NEDD4L: variants seen among roughly 807,000 people sequenced by gnomAD.
The protein encoded by NEDD4L is NEDD4 like E3 ubiquitin protein ligase.
Under a neutral mutation model 148.9 loss-of-function variants are expected in NEDD4L, and 54 were observed. The ratio of observed to expected loss-of-function variants is 0.36; its 90% CI spans 0.29 to 0.45. NEDD4L has a LOEUF of 0.45. NEDD4L is among the 20% of genes least tolerant of loss of function. NEDD4L has a pLI of 1.00. For missense variants in NEDD4L, 856 were observed against 1,233.8 expected (o/e 0.69, Z 4.59); for synonymous variants, 433 against 440.7 (o/e 0.98, Z 0.22).
chr18:58,196,710 CTTTTTTT>C (rs544883000), intron 2 of NEDD4L, among the ~76,000 whole-genome samples: 2,481 of 114,372 alleles, frequency 0.022, 81 homozygotes, highest in African/African-American at 0.07. Context: ...CTCTCTCTCT[CTTTTTTT>C]TTTTTTTTTT....
chr18:58,396,316 G>T lies in NEDD4L; in HGVS notation c.*47G>T. 13 of 1,319,424 alleles carry T rather than the reference G, an allele frequency of 9.9e-6. No homozygotes were observed. Among genetic ancestry groups the T allele is most frequent in the Non-Finnish European group, 1.3e-5 (12 of 924,192 alleles). 81.7% of individuals were successfully genotyped at this position (1,319,424 alleles called of 1,614,324 possible). A position where few individuals can be genotyped will look rare whatever the true frequency, so the allele number is the denominator to read the frequency against. ...GTTGTTCTTCAAGCAAGTTCTGCTT[G>T]CACTTTTGCATTTGCCTAACAGACT... is the stretch of plus-strand genomic sequence containing the variant. On this transcript the variant is annotated 3_prime_UTR_variant, in exon 31 of 31. Transcript: ENST00000400345.
Position 58,281,491 on chromosome 18 carries a change from A to G in NEDD4L, c.297+29437A>G, listed in dbSNP as rs114103543. On this transcript the variant is annotated intron_variant, in intron 5 of 30. Coordinates refer to ENST00000400345, the MANE Select transcript of NEDD4L (RefSeq NM_001144967.3). ...ACAGTTCTCACCATATTTTCTGTCA[A>G]CTGCTACCACATGGTCCCCTTCTTT... Among the ~76,000 whole-genome samples the G allele has an allele frequency of 4.2e-3, 645 of 152,068 alleles. 3 individuals carry two copies. Among genetic ancestry groups the G allele is most frequent in the African/African-American group, 0.011 (475 of 41,458 alleles).
intron 2 of NEDD4L, among the ~76,000 whole-genome samples, chr18:58,218,582 C>T (rs1423635742): frequency 2.0e-5 from 3 of 152,166 alleles, no homozygotes; most frequent in South Asian, 2.1e-4. Context: ...GCTCGTCCCT[C>T]CTCTCCTTTT....
chr18:58,197,335 A>G (rs1454248522), intron 2 of NEDD4L, among the ~76,000 whole-genome samples: 1 of 152,300 alleles, frequency 6.6e-6, no homozygotes, highest in East Asian at 1.9e-4. Flanking sequence ...CATAAGGGAC[A>G]AGGAAGAACA....
chr18:58,094,424 C>T (rs2036245694), intron 1 of NEDD4L, among the ~76,000 whole-genome samples: 1 of 152,018 alleles, frequency 6.6e-6, no homozygotes, highest in African/African-American at 2.4e-5. Flanking sequence ...CGGGCTCAAG[C>T]GATCTGCCCG....
chr18:58,325,647 C>T (rs1384677428), intron 9 of NEDD4L, among the ~76,000 whole-genome samples: 1 of 151,972 alleles, frequency 6.6e-6, no homozygotes, highest in Non-Finnish European at 1.5e-5. Flanking sequence ...AATTTGAGCC[C>T]CTTAATATAA....
chr18:58,105,631 T>A (rs998862043), intron 1 of NEDD4L, among the ~76,000 whole-genome samples: 4 of 152,204 alleles, frequency 2.6e-5, no homozygotes, highest in African/African-American at 9.7e-5. Context: ...TTCATTCCTG[T>A]CTCTTATTTA....
chr18:58,394,541 A>G (rs2050239726), intron 30 of NEDD4L, among the ~76,000 whole-genome samples: 1 of 152,260 alleles, frequency 6.6e-6, no homozygotes, highest in African/African-American at 2.4e-5. Flanking sequence ...TTTAAATGCC[A>G]TCTGTAGATG....
intron 19 of NEDD4L, 144 bp downstream of exon 19, chr18:58,357,396 C>T (rs751975224): frequency 1.2e-6 from 1 of 808,850 alleles, no homozygotes; most frequent in South Asian, 1.4e-5. Flanking sequence ...GCTGCCATCT[C>T]CTTACTGAAG....
At chr18:58,062,953 A>C (rs1366662428) in intron 1 of NEDD4L, among the ~76,000 whole-genome samples, 2 of 136,560 alleles carry the variant, frequency 1.5e-5, no homozygotes, top group African/African-American at 2.7e-5. Context: ...GTGCCACTGC[A>C]CTCCAGCCTG....
chr18:58,201,466 A>T (rs914096595), intron 2 of NEDD4L, among the ~76,000 whole-genome samples: 1 of 152,234 alleles, frequency 6.6e-6, no homozygotes, highest in African/African-American at 2.4e-5. Flanking sequence ...CGTTGTTAAC[A>T]GTTTACTATC....
intron 5 of NEDD4L, chr18:58,255,373 T>G: frequency 2.2e-6 from 1 of 461,532 alleles, no homozygotes; most frequent in Non-Finnish European, 3.3e-6. Flanking sequence ...AAGCTGGCAT[T>G]GGAGGGGGAG....
intron 24 of NEDD4L, among the ~76,000 whole-genome samples, chr18:58,379,855 G>A (rs367585008): frequency 4.6e-5 from 7 of 152,042 alleles, no homozygotes; most frequent in African/African-American, 1.7e-4. Flanking sequence ...CCGAGACACC[G>A]AGATCTGGGG....
chr18:58,220,804 G>A (rs1443451778), intron 2 of NEDD4L, among the ~76,000 whole-genome samples: 6 of 152,144 alleles, frequency 3.9e-5, no homozygotes, highest in African/African-American at 4.8e-5. Context: ...AGTGCCCATC[G>A]CAGGCAGAGA....
At chr18:58,346,480 A>G (rs1413299859) in intron 16 of NEDD4L, among the ~76,000 whole-genome samples, 1 of 152,210 alleles carries the variant, frequency 6.6e-6, no homozygotes, top group Non-Finnish European at 1.5e-5. Flanking sequence ...CTTTTGTAGC[A>G]AGAAAGATTA....
At chr18:58,293,658 C>T (rs948024980) in intron 5 of NEDD4L, among the ~76,000 whole-genome samples, 3 of 152,146 alleles carry the variant, frequency 2.0e-5, no homozygotes, top group African/African-American at 7.2e-5. Flanking sequence ...TTACCTTTGA[C>T]TCATATGTTT....
intron 1 of NEDD4L, among the ~76,000 whole-genome samples, chr18:58,107,454 AT>A (rs2085131803): frequency 6.6e-6 from 1 of 152,196 alleles, no homozygotes; most frequent in Non-Finnish European, 1.5e-5. Flanking sequence ...GAGGTGGCTG[AT>A]TCCTGTAATC....
chr18:58,159,390 A>G (rs573318318), intron 1 of NEDD4L, among the ~76,000 whole-genome samples: 1 of 152,222 alleles, frequency 6.6e-6, no homozygotes, highest in East Asian at 1.9e-4. Flanking sequence ...AAGGTAAACG[A>G]TGGGCTTCGG....
At chr18:58,107,569 A>G (rs2085141076) in intron 1 of NEDD4L, among the ~76,000 whole-genome samples, 1 of 152,156 alleles carries the variant, frequency 6.6e-6, no homozygotes, top group Non-Finnish European at 1.5e-5. Flanking sequence ...ATTACAAAAT[A>G]TCAGCCAGAA....
Sources: gnomAD v4.1 joint callset for allele counts (sites outside exome capture counted in the v4.1 genomes callset) on GRCh38, gnomAD v4.1.1 for gene constraint, MANE v1.5 for transcripts, NCBI Gene and HGNC (gene_info 2026-07-23, HGNC 2026-07-21) for gene names.